The following TEX51 variants were observed in gnomAD, a reference collection of about 807,000 sequenced individuals.
The protein encoded by TEX51 is testis-expressed protein 51.
TEX51 carries 14 observed loss-of-function variants against 8.0 expected under a neutral mutation model. The ratio of observed to expected loss-of-function variants is 1.76; its 90% CI spans 1.16 to 2.75. TEX51 has a LOEUF of 2.75. Among genes scored for constraint, TEX51 ranks in the 30% most tolerant of loss-of-function variants. The pLI is 0.00. For synonymous variants in TEX51, 58 were observed against 28.6 expected, an observed-to-expected ratio of 2.03 and a Z score of -3.29; for missense variants, 142 against 77.4, an observed-to-expected ratio of 1.83 and a Z score of -3.13.
intron 2 of TEX51, 78 bp downstream of exon 2, chr2:126,899,369 A>T: frequency 1.4e-6 from 1 of 697,918 alleles, no homozygotes; most frequent in South Asian, 1.5e-5. Context: ...TCAGAGGCCC[A>T]TGTGGCCATG....
At chr2:126,899,449 A>G (rs1680200719) in intron 2 of TEX51, 74 bp from the exon 3 acceptor site, 1 of 679,306 alleles carries the variant, frequency 1.5e-6, no homozygotes, top group African/African-American at 1.8e-5. Flanking sequence ...ACTTCCATGT[A>G]GAAACAAGGG....
chr2:126,899,109 G>T (rs1052884183), intron 1 of TEX51, 46 bp downstream of exon 1: 3 of 701,188 alleles, frequency 4.3e-6, no homozygotes, highest in Non-Finnish European at 7.8e-6. Context: ...CTCAAACCCT[G>T]GTACCTTGGT....
In TEX51 at chr2:126,899,000, T is replaced by A. The variant is rs1323304700; in HGVS notation, c.82T>A (p.Leu28Met). ...CCGCTGCTGGCCAGAACTGTCTGCC[T>A]TGATAGACTATGACCTGCAGATCCT... ...CLRCWPELSA[L>M]IDYDLQILWV... The change falls in exon 1 of 7, where the codon TTG becomes ATG. Residue 28 changes from leucine to methionine, a missense_variant. Transcript: ENST00000568484. The A allele has an allele frequency of 1.4e-6, 1 of 702,262 alleles. No individual in the cohort carries two copies. Among genetic ancestry groups the A allele is most frequent in the Non-Finnish European group, 2.6e-6 (1 of 384,828 alleles). The allele number at this position is 702,262 out of a possible 1,614,324, so 43.5% of individuals were successfully genotyped here.
In TEX51 at chr2:126,899,524, TA is replaced by T. The variant is rs1462092460; in HGVS notation, c.226del (p.Thr76GlnfsTer18). ...HQAIKTLRDD[K>X]TVLLEEIYTH... ...CCCCTTCCCTCCTGCTCTACCCAGA[TA>T]AAACAGTACTTCTGGAAGAGATCTA... On this transcript the variant is annotated frameshift_variant and splice_region_variant, in exon 3 of 7. Coordinates refer to ENST00000568484, the MANE Select transcript of TEX51 (RefSeq NM_001322244.2). LOFTEE classifies it high-confidence loss of function. The T allele has an allele frequency of 1.4e-6, 1 of 696,940 alleles. No individual in the cohort carries two copies. Among genetic ancestry groups the T allele is most frequent in the South Asian group, 1.5e-5 (1 of 67,172 alleles). 43.2% of individuals were successfully genotyped at this position (696,940 alleles called of 1,614,324 possible).
At chr2:126,900,105 C>A (rs188172981) in intron 4 of TEX51, 86 bp downstream of exon 4, 53 of 690,830 alleles carry the variant, frequency 7.7e-5, no homozygotes, top group South Asian at 7.7e-4. Context: ...CTCTTTTGCC[C>A]AACTCAAGCT....
Position 126,901,588 on chromosome 2 carries a change from A to C in TEX51, c.*2+184A>C, listed in dbSNP as rs1038524007. The C allele has an allele frequency of 6.6e-6, 4 of 603,432 alleles. No individual in the cohort carries two copies. The African/African-American group carries it at 7.4e-5, about 11-fold the overall frequency. 37.4% of individuals were successfully genotyped at this position (603,432 alleles called of 1,614,324 possible). On this transcript the variant is annotated intron_variant, in intron 6 of 6. Transcript: ENST00000568484. The stretch of plus-strand genomic sequence containing the variant: ...CTCATCAGCCTCCATATATGCAGAC[A>C]TATTGGGGCCAGGGGCCCAGGACAC...
In TEX51 at chr2:126,901,885, C is replaced by A; in HGVS notation, c.*16C>A. The A allele has an allele frequency of 4.7e-6, 3 of 643,620 alleles. No individual in the cohort carries two copies. The highest frequency in any genetic ancestry group is 4.8e-4 in the Middle Eastern group (2 of 4,126). 39.9% of individuals were successfully genotyped at this position (643,620 alleles called of 1,614,324 possible). On this transcript the variant is annotated 3_prime_UTR_variant, in exon 7 of 7. Transcript: ENST00000568484. ...CTCCCTCAGCAGGAACAGGGCAGCC[C>A]GCATGTCTTCCAGAAGTGAACAGAG...
At chr2:126,899,654 A>G in intron 3 of TEX51, 42 bp downstream of exon 3, 1 of 695,396 alleles carries the variant, frequency 1.4e-6, no homozygotes. Context: ...CCAGCCCTCC[A>G]CACCTGCCAA....
rs1215464049 is a variant in TEX51, at chr2:126,899,968, G to A, written c.343G>A (p.Ala115Thr). The A allele has an allele frequency of 1.4e-6, 1 of 701,680 alleles. No homozygotes were observed. The highest frequency in any genetic ancestry group is 2.7e-5 in the East Asian group (1 of 37,268). 43.5% of individuals were successfully genotyped at this position (701,680 alleles called of 1,614,324 possible). ...IQSTLKVTSCADCRTHFLSCN... is the reference protein window; with the variant it reads ...IQSTLKVTSCTDCRTHFLSCN... ...GTCCACACTGAAGGTCACCAGCTGT[G>A]CTGACTGCAGGACTCACTTCCTCTC... Residue 115 changes from alanine (A) to threonine (T), a missense_variant, in exon 4 of 7, where the codon GCT (alanine) becomes ACT (threonine). By Grantham distance (58) the Ala-to-Thr change is moderately conservative. Coordinates refer to ENST00000568484, the MANE Select transcript of TEX51 (RefSeq NM_001322244.2).
intron 2 of TEX51, 91 bp from the exon 3 acceptor site, chr2:126,899,432 C>T: frequency 2.9e-6 from 2 of 679,580 alleles, no homozygotes; most frequent in Non-Finnish European, 5.4e-6. Flanking sequence ...TCCGTGTGCT[C>T]TTTGGAACTT....
Position 126,901,218 on chromosome 2 carries a change from C to A in TEX51, c.403C>A (p.Arg135=), listed in dbSNP as rs1224302737. The A allele has an allele frequency of 1.5e-6, 1 of 659,874 alleles. No homozygotes were observed. The highest frequency in any genetic ancestry group is 2.8e-6 in the Non-Finnish European group (1 of 359,548). The allele number at this position is 659,874 out of a possible 1,614,324, so 40.9% of individuals were successfully genotyped here. A position where few individuals can be genotyped will look rare whatever the true frequency, so the allele number is the denominator to read the frequency against. ...CCTCTTTCACACCCCAGCCAGGAAC[C>A]GGCGGACCTCCCTGTGGGCTGTGAG... ...NDPTFCPARN[R]RTSLWAVSLS... The change falls in exon 5 of 7, where the codon CGG becomes AGG. Residue 135 remains arginine, a synonymous_variant. Coordinates refer to ENST00000568484, the MANE Select transcript of TEX51 (RefSeq NM_001322244.2).
Position 126,899,301 on chromosome 2 carries a change from C to T in TEX51, c.220+10C>T. On this transcript the variant is annotated intron_variant, in intron 2 of 6. Coordinates refer to ENST00000568484, the MANE Select transcript of TEX51 (RefSeq NM_001322244.2). Reference sequence around the variant, plus strand: ...AAAACGTTACGAGATGGTGAGGAAGCCAAGAGCCCCAGGGCCTTGGGGCTT... The same window carrying T: ...AAAACGTTACGAGATGGTGAGGAAGTCAAGAGCCCCAGGGCCTTGGGGCTT... 1 of 702,192 alleles carries T rather than the reference C, an allele frequency of 1.4e-6. No individual in the cohort carries two copies. Among genetic ancestry groups the T allele is most frequent in the Non-Finnish European group, 2.6e-6 (1 of 384,786 alleles). The allele number at this position is 702,192 out of a possible 1,614,324, so 43.5% of individuals were successfully genotyped here. A position where few individuals can be genotyped will look rare whatever the true frequency, so the allele number is the denominator to read the frequency against.
chr2:126,900,015 CCCAGGTCAGTGGCCACCACCCTGT>C lies in TEX51; in HGVS notation c.394+1_394+24del. The C allele has an allele frequency of 1.4e-6, 1 of 700,822 alleles. No homozygotes were observed. Among genetic ancestry groups the C allele is most frequent in the Non-Finnish European group, 2.6e-6 (1 of 384,814 alleles). The allele number at this position is 700,822 out of a possible 1,614,324, so 43.4% of individuals were successfully genotyped here. On this transcript the variant is annotated splice_donor_variant and splice_donor_5th_base_variant and coding_sequence_variant and intron_variant, in exon 4 of 7. Transcript: ENST00000568484. LOFTEE classifies it high-confidence loss of function. ...TCTCCTGCAATGACCCCACTTTCTG[CCCAGGTCAGTGGCCACCACCCTGT>C]CCAGCCTCTCCCCTCCCTGCCCTGC...
chr2:126,899,641 G>T (rs772109945), intron 3 of TEX51, 29 bp downstream of exon 3: 1 of 698,042 alleles, frequency 1.4e-6, no homozygotes, highest in Non-Finnish European at 2.6e-6. Flanking sequence ...CCCTGCACAC[G>T]GCCCAGCCCT....
At chr2:126,901,739 A>C in intron 6 of TEX51, 133 bp from the exon 7 acceptor site, 1 of 570,564 alleles carries the variant, frequency 1.8e-6, no homozygotes, top group Non-Finnish European at 3.1e-6. Context: ...GACCATTAGC[A>C]TGGCTGCCTT....
chr2:126,899,658 C>A (rs761098364), intron 3 of TEX51, 46 bp downstream of exon 3: 1 of 694,894 alleles, frequency 1.4e-6, no homozygotes, highest in Non-Finnish European at 2.6e-6. Flanking sequence ...CCCTCCACAC[C>A]TGCCAAGACC....
intron 6 of TEX51, 104 bp downstream of exon 6, chr2:126,901,508 G>C: frequency 1.5e-6 from 1 of 676,634 alleles, no homozygotes; most frequent in Non-Finnish European, 2.7e-6. Context: ...TGACCTCCTG[G>C]GGTCTGGCGT....
In TEX51 at chr2:126,901,972, A is replaced by T; in HGVS notation, c.*103A>T. The T allele has an allele frequency of 1.6e-6, 1 of 639,502 alleles. No homozygotes were observed. Among genetic ancestry groups the T allele is most frequent in the East Asian group, 3.0e-5 (1 of 33,334 alleles). 39.6% of individuals were successfully genotyped at this position (639,502 alleles called of 1,614,324 possible). ...TGGGTCCCGGTGACCCCATCCCCCC[A>T]TACCCTCCATCCTGGGTCCTGGGGC... is the stretch of plus-strand genomic sequence containing the variant. On this transcript the variant is annotated 3_prime_UTR_variant, in exon 7 of 7. Coordinates refer to ENST00000568484, the MANE Select transcript of TEX51 (RefSeq NM_001322244.2).
At position 126,899,960 on chromosome 2, in the gene TEX51, C is replaced by A; in HGVS notation, c.335C>A (p.Thr112Asn). 1 of 701,938 alleles carries A rather than the reference C, an allele frequency of 1.4e-6. No homozygotes were observed. The highest frequency in any genetic ancestry group is 2.6e-6 in the Non-Finnish European group (1 of 384,798). 43.5% of individuals were successfully genotyped at this position (701,938 alleles called of 1,614,324 possible). A position where few individuals can be genotyped will look rare whatever the true frequency, so the allele number is the denominator to read the frequency against. Residue 112 changes from threonine to asparagine, a missense_variant, in exon 4 of 7, where the codon ACC becomes AAC. Physicochemically the swap from Thr to Asn is moderately conservative, Grantham distance 65. Coordinates refer to ENST00000568484, the MANE Select transcript of TEX51 (RefSeq NM_001322244.2). ...GACATACAGTCCACACTGAAGGTCA[C>A]CAGCTGTGCTGACTGCAGGACTCAC... ...EKDIQSTLKV[T>N]SCADCRTHFL...
Sources: gnomAD v4.1 joint callset for allele counts on GRCh38, gnomAD v4.1.1 for gene constraint, MANE v1.5 for transcripts, NCBI Gene and HGNC (gene_info 2026-07-23, HGNC 2026-07-21) for gene names.